The following FAAH2 variants were observed in gnomAD, a reference collection of about 807,000 sequenced individuals.
FAAH2 encodes the protein fatty acid amide hydrolase 2.
Under a neutral mutation model 36.9 loss-of-function variants are expected in FAAH2, and 60 were observed. That is an observed-to-expected ratio of 1.63 (90% CI 1.32 to 2.02). The LOEUF is 2.02. Ranked by LOEUF, FAAH2 falls within the 30% of genes most tolerant of loss-of-function variation. The pLI, the probability that FAAH2 is intolerant of heterozygous loss-of-function variation, is 0.00. For missense variants in FAAH2, 689 were observed against 397.5 expected (o/e 1.73, Z -6.23); for synonymous variants, 214 against 143.8 (o/e 1.49, Z -3.49).
intron 8 of FAAH2, among the ~76,000 whole-genome samples, chrX:57,434,138 G>A (rs1223165169): frequency 1.1e-5 from 1 of 90,305 alleles, no homozygotes; most frequent in Non-Finnish European, 2.1e-5. Context: ...AGGCTAGATT[G>A]CAGTGGTGCA....
chrX:57,312,425 C>A (rs2052720294), intron 3 of FAAH2, among the ~76,000 whole-genome samples: 1 of 111,597 alleles, frequency 9.0e-6, no homozygotes, highest in Admixed American at 9.5e-5. Context: ...GTAATCCCAG[C>A]ACTTTGGGAG....
chrX:57,437,758 T>G (rs991527795), intron 8 of FAAH2, among the ~76,000 whole-genome samples: 73 of 102,921 alleles, frequency 7.1e-4, no homozygotes, highest in African/African-American at 2.4e-3. Flanking sequence ...ATATTTATAT[T>G]TATATTGAAA....
chrX:57,283,390 G>T (rs1569229303), upstream of FAAH2, among the ~76,000 whole-genome samples: 1 of 111,497 alleles, frequency 9.0e-6, no homozygotes, highest in Non-Finnish European at 1.9e-5. Context: ...AAGAGTCGGG[G>T]TTCGAGGGAT....
intron 2 of FAAH2, among the ~76,000 whole-genome samples, chrX:57,301,844 T>A (rs1040342248): frequency 9.0e-6 from 1 of 111,615 alleles, no homozygotes; most frequent in Non-Finnish European, 1.9e-5. Context: ...GTGTAGAACA[T>A]GATCTGAGAT....
the FAAH2 span, among the ~76,000 whole-genome samples, chrX:57,186,550 GA>G: frequency 3.5e-4 from 39 of 112,112 alleles, 1 homozygote; most frequent in South Asian, 0.014. Context: ...TTGCTGAGCA[GA>G]AACTCTTTAG....
At chrX:57,373,648 G>A (rs2054604759) in intron 5 of FAAH2, among the ~76,000 whole-genome samples, 1 of 111,260 alleles carries the variant, frequency 9.0e-6, no homozygotes, top group Non-Finnish European at 1.9e-5. Flanking sequence ...TATAGACTGT[G>A]GAGATTTTCT....
chrX:57,191,422 T>C, the FAAH2 span, among the ~76,000 whole-genome samples: 1 of 111,832 alleles, frequency 8.9e-6, no homozygotes, highest in Non-Finnish European at 1.9e-5. Context: ...GCAAATATTT[T>C]CCACCACTCT....
the FAAH2 span, among the ~76,000 whole-genome samples, chrX:57,247,562 C>T: frequency 1.8e-5 from 2 of 111,454 alleles, no homozygotes; most frequent in African/African-American, 6.5e-5. Context: ...CTATATAAGG[C>T]CATTCAGAAA....
chrX:57,446,712 C>T (rs370204247), intron 8 of FAAH2, among the ~76,000 whole-genome samples: 1 of 111,369 alleles, frequency 9.0e-6, no homozygotes. Context: ...TCACTAGGCA[C>T]AATATTTCAA....
At chrX:57,235,862 T>C in the FAAH2 span, among the ~76,000 whole-genome samples, 2 of 101,010 alleles carry the variant, frequency 2.0e-5, no homozygotes, top group Non-Finnish European at 3.9e-5. Flanking sequence ...TTCAAGATTG[T>C]TATTTACAGC....
chrX:57,370,308 G>A (rs1324782921), intron 5 of FAAH2, among the ~76,000 whole-genome samples: 7 of 111,319 alleles, frequency 6.3e-5, no homozygotes, highest in Non-Finnish European at 1.9e-5. Flanking sequence ...ACATAACCCA[G>A]CTGTATGCTG....
chrX:57,293,528 A>C lies in FAAH2; in HGVS notation c.275+948A>C, dbSNP rs967008530. On this transcript the variant is annotated intron_variant, in intron 2 of 10. Coordinates refer to ENST00000374900, the MANE Select transcript of FAAH2 (RefSeq NM_174912.4). ...GGATATGTGATGCCAAGCTTACATA[A>C]CAGAACTATGGGGTGGTTCTATGTT... is the stretch of plus-strand genomic sequence containing the variant. Among the ~76,000 whole-genome samples the C allele has an allele frequency of 8.0e-5, 9 of 112,034 alleles. No individual in the cohort carries two copies. The East Asian group carries it at 2.5e-3, about 31-fold the overall frequency.
chrX:57,318,803 A>G (rs1372874151), intron 3 of FAAH2, among the ~76,000 whole-genome samples: 1 of 112,132 alleles, frequency 8.9e-6, no homozygotes, highest in Admixed American at 9.5e-5. Context: ...CCAGCAGTAC[A>G]TCAGAAAGTT....
chrX:57,123,130 C>A, the FAAH2 span, among the ~76,000 whole-genome samples: 1 of 111,313 alleles, frequency 9.0e-6, no homozygotes, highest in Admixed American at 9.5e-5. Context: ...TTAGGTATAT[C>A]TCCTAATGCT....
Position 57,488,907 on chromosome X carries a change from G to A in FAAH2, c.1574G>A (p.Gly525Asp), listed in dbSNP as rs779460958. ...CAGTACTTGGAGAAAACTTTTGGGG[G>A]CTGGGTCTGTCCAGGAAAGTTTTAG... ...VAQYLEKTFG[G>D]WVCPGKF Residue 525 changes from glycine to aspartate, a missense_variant, in exon 11 of 11, where the codon GGC becomes GAC. Physicochemically the swap from Gly to Asp is moderately conservative, Grantham distance 94 (BLOSUM62 -1). Coordinates refer to ENST00000374900, the MANE Select transcript of FAAH2 (RefSeq NM_174912.4). The A allele has an allele frequency of 5.8e-6, 7 of 1,210,349 alleles. No homozygotes were observed. Among genetic ancestry groups the A allele is most frequent in the Non-Finnish European group, 7.8e-6 (7 of 895,068 alleles).
chrX:57,376,839 A>G (rs1194800167), intron 5 of FAAH2, among the ~76,000 whole-genome samples: 4 of 112,074 alleles, frequency 3.6e-5, no homozygotes, highest in Non-Finnish European at 7.5e-5. Flanking sequence ...CTTTTTAATG[A>G]TCGCCATTCT....
At chrX:57,139,571 A>G in the FAAH2 span, among the ~76,000 whole-genome samples, 3 of 110,998 alleles carry the variant, frequency 2.7e-5, no homozygotes, top group Non-Finnish European at 3.8e-5. Flanking sequence ...CTCCTGCCTC[A>G]GCCTCCCGAG....
chrX:57,288,093 GC>G (rs2051861920), intron 1 of FAAH2, among the ~76,000 whole-genome samples: 1 of 110,248 alleles, frequency 9.1e-6, no homozygotes, highest in Non-Finnish European at 1.9e-5. Context: ...ACTTTTAATG[GC>G]AAAAATCACA....
the FAAH2 span, among the ~76,000 whole-genome samples, chrX:57,147,589 C>G: frequency 9.0e-6 from 1 of 111,304 alleles, no homozygotes; most frequent in Non-Finnish European, 1.9e-5. Flanking sequence ...TATTTCTTTT[C>G]TTCTGCTGTG....
Sources: allele counts gnomAD v4.1 joint callset (sites outside exome capture counted in the v4.1 genomes callset), GRCh38; gene constraint gnomAD v4.1.1; transcripts MANE v1.5; gene names NCBI Gene and HGNC (gene_info 2026-07-23, HGNC 2026-07-21).